The following PRKN variants were observed in gnomAD, a reference collection of about 807,000 sequenced individuals.
The protein encoded by PRKN is E3 ubiquitin-protein ligase parkin.
PRKN carries 56 observed loss-of-function variants against 59.5 expected under a neutral mutation model. The ratio of observed to expected loss-of-function variants is 0.94; its 90% confidence interval spans 0.76 to 1.18. PRKN has a LOEUF of 1.18. Among genes scored for constraint, PRKN ranks in the 50% most tolerant of loss-of-function variants. PRKN has a pLI of 0.00. For missense variants in PRKN, 657 were observed against 596.4 expected, an observed-to-expected ratio of 1.10 and a Z score of -1.06; for synonymous variants, 250 against 222.1, an observed-to-expected ratio of 1.13 and a Z score of -1.12.
chr6:161,809,293 C>A (rs1313957621), intron 6 of PRKN, among the ~76,000 whole-genome samples: 2 of 48,560 alleles, frequency 4.1e-5, no homozygotes, highest in East Asian at 1.2e-3. Flanking sequence ...ATCCCGAGTC[C>A]TGAGGAATTA....
At chr6:161,993,038 C>A (rs994955324) in intron 5 of PRKN, among the ~76,000 whole-genome samples, 2 of 151,640 alleles carry the variant, frequency 1.3e-5, no homozygotes, top group African/African-American at 4.8e-5. Context: ...TAACAATGTA[C>A]CTTAAAGAAC....
At chr6:162,586,981 T>C (rs146228826) in intron 1 of PRKN, among the ~76,000 whole-genome samples, 3 of 152,286 alleles carry the variant, frequency 2.0e-5, no homozygotes, top group Non-Finnish European at 4.4e-5. Flanking sequence ...CCAATGGTCA[T>C]GTGAAAGGTA....
chr6:161,583,400 G>A (rs1343681104), intron 7 of PRKN, among the ~76,000 whole-genome samples: 2 of 151,846 alleles, frequency 1.3e-5, no homozygotes, highest in Non-Finnish European at 2.9e-5. Flanking sequence ...TAGCATCAAG[G>A]CATATGTATT....
chr6:162,475,379 T>C (rs1013237367), intron 1 of PRKN, among the ~76,000 whole-genome samples: 4 of 152,130 alleles, frequency 2.6e-5, no homozygotes, highest in Non-Finnish European at 5.9e-5. Flanking sequence ...TCCAGCCTAA[T>C]AGTTCCAATC....
chr6:162,394,508 C>CT (rs568375614), intron 2 of PRKN, among the ~76,000 whole-genome samples: 138 of 152,238 alleles, frequency 9.1e-4, no homozygotes, highest in African/African-American at 3.2e-3. Context: ...TGAAGGATAG[C>CT]TTTTTATTTT....
chr6:162,479,501 T>C lies in PRKN; in HGVS notation c.8-36028A>G, dbSNP rs534534240. Among the ~76,000 whole-genome samples the C allele has an allele frequency of 4.7e-3, 723 of 152,278 alleles. 5 individuals are homozygous for C. The highest frequency in any genetic ancestry group is 0.016 in the African/African-American group (672 of 41,546). On this transcript the variant is annotated intron_variant, in intron 1 of 11. Transcript: ENST00000366898. ...ACCTAAGCCTCCCAAACTGCTGGGA[T>C]AACAGGCTTGAGCCACCATGCCTGG...
chr6:161,487,379 A>C lies in PRKN; in HGVS notation c.1083+61475T>G, dbSNP rs1172021149. On this transcript the variant is annotated intron_variant, in intron 9 of 11. Coordinates refer to ENST00000366898, the MANE Select transcript of PRKN (RefSeq NM_004562.3). The surrounding 1 kb of genome is among the most constrained non-coding windows in gnomAD (Gnocchi z 5.3). ...TTCGCCCATCTGTGTGAGCCAAGGC[A>C]AGGAAGACAGTCTGGGGCCTGTGGG... Among the ~76,000 whole-genome samples the C allele has an allele frequency of 6.6e-6, 1 of 152,178 alleles. No homozygotes were observed. The highest frequency in any genetic ancestry group is 2.4e-5 in the African/African-American group (1 of 41,452).
At chr6:161,875,011 TTATATA>T (rs1223364311) in intron 6 of PRKN, among the ~76,000 whole-genome samples, 1 of 95,346 alleles carries the variant, frequency 1.0e-5, no homozygotes, top group East Asian at 3.0e-4. Context: ...ATATTATATA[TTATATA>T]TAAAGTATAT....
chr6:162,670,982 T>C (rs1474243439), intron 1 of PRKN, among the ~76,000 whole-genome samples: 1 of 152,216 alleles, frequency 6.6e-6, no homozygotes, highest in African/African-American at 2.4e-5. Flanking sequence ...CATTCGATTG[T>C]TGAAGACATT....
intron 1 of PRKN, 136 bp from the exon 2 acceptor site, chr6:162,443,609 C>CA (rs1259697145): frequency 4.9e-6 from 4 of 818,782 alleles, no homozygotes; most frequent in Non-Finnish European, 6.2e-6. Flanking sequence ...TCACTTACAA[C>CA]AAAAAACTTA....
At position 161,462,574 on chromosome 6, in the gene PRKN, G is replaced by A. The variant is rs1034666395; in HGVS notation, c.1084-75697C>T. Among the ~76,000 whole-genome samples, 4 of 152,088 alleles carry A rather than the reference G, an allele frequency of 2.6e-5. No individual in the cohort carries two copies. The highest frequency in any genetic ancestry group is 5.9e-5 in the Non-Finnish European group (4 of 68,026). ...GAAATGACACCATGATGTCTGATCAGCAATATAGCTCACCCTTATTTTAAA... is the reference window on the plus strand; with the variant it reads ...GAAATGACACCATGATGTCTGATCAACAATATAGCTCACCCTTATTTTAAA... On this transcript the variant is annotated intron_variant, in intron 9 of 11. Transcript: ENST00000366898. The surrounding 1 kb of genome is among the most constrained non-coding windows in gnomAD (Gnocchi z 4.5).
intron 6 of PRKN, among the ~76,000 whole-genome samples, chr6:161,832,666 G>A (rs10945780): frequency 0.34 from 49,324 of 146,548 alleles, 8,512 homozygotes; most frequent in South Asian, 0.4. Flanking sequence ...GTGTATACCC[G>A]CGGAACTGTA....
intron 1 of PRKN, among the ~76,000 whole-genome samples, chr6:162,695,300 T>C (rs548711378): frequency 1.3e-5 from 2 of 152,276 alleles, no homozygotes; most frequent in South Asian, 2.1e-4. Flanking sequence ...GTATCATGCA[T>C]TACTTCAAAA....
At chr6:161,509,763 C>T (rs980715307) in intron 9 of PRKN, among the ~76,000 whole-genome samples, 1 of 151,276 alleles carries the variant, frequency 6.6e-6, no homozygotes, top group Non-Finnish European at 1.5e-5. Context: ...GCCTGTAATC[C>T]CAGCTACTCA....
chr6:162,272,025 C>T (rs933039546), intron 2 of PRKN, among the ~76,000 whole-genome samples: 15 of 152,162 alleles, frequency 9.9e-5, no homozygotes, highest in African/African-American at 3.6e-4. Context: ...CAGGCCTGGG[C>T]CTTGTCACCT....
At chr6:162,153,742 C>G (rs1427320858) in intron 4 of PRKN, among the ~76,000 whole-genome samples, 1 of 152,144 alleles carries the variant, frequency 6.6e-6, no homozygotes, top group African/African-American at 2.4e-5. Context: ...GGTTGTCTCT[C>G]TTCCTTTCTC....
intron 2 of PRKN, among the ~76,000 whole-genome samples, chr6:162,328,008 C>T (rs568151136): frequency 4.3e-4 from 65 of 152,206 alleles, no homozygotes; most frequent in African/African-American, 1.4e-3. Flanking sequence ...GGGCAAGCGA[C>T]GCTGGCCACA....
intron 1 of PRKN, among the ~76,000 whole-genome samples, chr6:162,568,121 G>T (rs9458604): frequency 0.31 from 46,748 of 151,954 alleles, 7,649 homozygotes; most frequent in East Asian, 0.49. Context: ...AAGCAAAATC[G>T]ATTTAAAAAT....
chr6:162,722,841 A>C (rs1300425943), intron 1 of PRKN, among the ~76,000 whole-genome samples: 2 of 152,180 alleles, frequency 1.3e-5, no homozygotes, highest in Non-Finnish European at 2.9e-5. Flanking sequence ...CAAAATTGTA[A>C]AGGGCAAAGG....
Sources: gnomAD v4.1 joint callset for allele counts (sites outside exome capture counted in the v4.1 genomes callset) on GRCh38, gnomAD v4.1.1 for gene constraint, Gnocchi (gnomAD v3.1) non-coding constraint, MANE v1.5 for transcripts, NCBI Gene and HGNC (gene_info 2026-07-23, HGNC 2026-07-21) for gene names.